Variants in LRCH1 observed in about 807,000 individuals in gnomAD.
LRCH1 encodes leucine-rich repeat and calponin homology domain-containing protein 1.
A neutral mutation model predicts 94.9 loss-of-function variants in LRCH1; 23 were observed. The ratio of observed to expected loss-of-function variants is 0.24; its 90% CI spans 0.17 to 0.34. The LOEUF (loss-of-function observed/expected upper bound fraction) is 0.34, where lower values mean the gene tolerates loss of function less well. Among genes scored for constraint, LRCH1 ranks in the 10% least tolerant of loss-of-function variants. LRCH1 has a pLI of 1.00. For missense variants in LRCH1, 790 were observed against 945.9 expected (o/e 0.84, Z 2.16); for synonymous variants, 364 against 354.9 (o/e 1.03, Z -0.29).
In LRCH1 at chr13:46,750,491, T is replaced by G. The variant is rs141118320; in HGVS notation, c.1981-49T>G. 153 of 1,292,758 alleles carry G rather than the reference T, an allele frequency of 1.2e-4. No homozygotes were observed. The Admixed American group carries it at 2.3e-3, about 20-fold the overall frequency. The allele number at this position is 1,292,758 out of a possible 1,614,324, so 80.1% of individuals were successfully genotyped here. ...TCAACGATGTAGCAGGATTTTACAATGAGAGTACAATCATCTAAAAATTGA... is the reference window on the plus strand; with the variant it reads ...TCAACGATGTAGCAGGATTTTACAAGGAGAGTACAATCATCTAAAAATTGA... On this transcript the variant is annotated intron_variant, in intron 18 of 18. Transcript: ENST00000311191.
At chr13:46,620,442 A>G (rs867416831) in intron 1 of LRCH1, among the ~76,000 whole-genome samples, 22 of 152,104 alleles carry the variant, frequency 1.4e-4, no homozygotes, top group Non-Finnish European at 2.5e-4. Flanking sequence ...GTTCCATGGT[A>G]TGTGCCTTTA....
chr13:46,668,583 T>C (rs943092859), intron 2 of LRCH1, among the ~76,000 whole-genome samples: 1 of 152,018 alleles, frequency 6.6e-6, no homozygotes, highest in Non-Finnish European at 1.5e-5. Context: ...TGTGTGGTGC[T>C]GGTTGCTTTG....
At chr13:46,702,524 T>C (rs951888511) in intron 11 of LRCH1, among the ~76,000 whole-genome samples, 4 of 151,650 alleles carry the variant, frequency 2.6e-5, no homozygotes, top group Non-Finnish European at 5.9e-5. Flanking sequence ...ATAAAACAAA[T>C]AAATAAATAA....
At chr13:46,600,204 A>G (rs937205597) in intron 1 of LRCH1, among the ~76,000 whole-genome samples, 2 of 152,180 alleles carry the variant, frequency 1.3e-5, no homozygotes, top group Admixed American at 6.5e-5. Context: ...TTAACATAGT[A>G]ACATAAACAT....
chr13:46,603,746 T>C (rs2050657228), intron 1 of LRCH1, among the ~76,000 whole-genome samples: 1 of 152,190 alleles, frequency 6.6e-6, no homozygotes, highest in African/African-American at 2.4e-5. Flanking sequence ...AGCCTCAATC[T>C]CCTGGGCTCA....
At chr13:46,655,455 G>A (rs961006939) in intron 2 of LRCH1, among the ~76,000 whole-genome samples, 4 of 152,304 alleles carry the variant, frequency 2.6e-5, no homozygotes, top group Non-Finnish European at 2.9e-5. Flanking sequence ...GCCTCTTGGC[G>A]TTCACAACAA....
intron 1 of LRCH1, among the ~76,000 whole-genome samples, chr13:46,572,807 T>C (rs1006695154): frequency 1.3e-5 from 2 of 152,096 alleles, no homozygotes; most frequent in Non-Finnish European, 2.9e-5. Flanking sequence ...CCAGCAAATA[T>C]TTATTATCTA....
At chr13:46,650,481 T>A in intron 2 of LRCH1, 136 bp downstream of exon 2, 1 of 638,214 alleles carries the variant, frequency 1.6e-6, no homozygotes, top group South Asian at 2.7e-5. Context: ...ATGTTTTAAG[T>A]AATAACTTTT....
intron 16 of LRCH1, among the ~76,000 whole-genome samples, chr13:46,718,436 C>T (rs933219259): frequency 5.3e-5 from 8 of 152,078 alleles, no homozygotes; most frequent in Non-Finnish European, 7.4e-5. Flanking sequence ...ATCACCTGGG[C>T]GTTTTGTAAA....
At chr13:46,752,905 A>C (rs1006723726) in exon 19 of LRCH1, 3 of 152,126 alleles carry the variant, frequency 2.0e-5, no homozygotes, top group African/African-American at 7.2e-5. Context: ...AGACGTCTTC[A>C]AGATCCTTGT....
At chr13:46,714,664 A>G (rs1872230463) in intron 15 of LRCH1, among the ~76,000 whole-genome samples, 1 of 152,158 alleles carries the variant, frequency 6.6e-6, no homozygotes, top group South Asian at 2.1e-4. Flanking sequence ...CACACACCCA[A>G]ATATTTATAT....
intron 1 of LRCH1, among the ~76,000 whole-genome samples, chr13:46,563,181 T>C (rs2050147659): frequency 2.0e-5 from 3 of 152,228 alleles, no homozygotes; most frequent in South Asian, 4.1e-4. Flanking sequence ...TGAGCACTTA[T>C]TGTGTAAGGA....
intron 1 of LRCH1, among the ~76,000 whole-genome samples, chr13:46,577,902 T>A (rs2050321572): frequency 6.6e-6 from 1 of 152,150 alleles, no homozygotes; most frequent in South Asian, 2.1e-4. Context: ...GCTGGGAGCC[T>A]CTCCTTGGTT....
intron 13 of LRCH1, among the ~76,000 whole-genome samples, chr13:46,708,493 A>G (rs949706618): frequency 1.3e-5 from 2 of 152,108 alleles, no homozygotes; most frequent in African/African-American, 4.8e-5. Flanking sequence ...GCTGGTCTCA[A>G]ACTTCTGAGC....
At chr13:46,628,544 C>A (rs1019354673) in intron 1 of LRCH1, among the ~76,000 whole-genome samples, 2 of 151,876 alleles carry the variant, frequency 1.3e-5, no homozygotes, top group Non-Finnish European at 2.9e-5. Context: ...GTAGTCCCAG[C>A]TACTCAGGAG....
chr13:46,634,535 G>A (rs1393488500), intron 1 of LRCH1, among the ~76,000 whole-genome samples: 1 of 152,208 alleles, frequency 6.6e-6, no homozygotes, highest in Non-Finnish European at 1.5e-5. Flanking sequence ...GTAATCTGGA[G>A]TGAATTTTCC....
chr13:46,569,794 G>A (rs141716653), intron 1 of LRCH1, among the ~76,000 whole-genome samples: 6 of 152,190 alleles, frequency 3.9e-5, no homozygotes, highest in African/African-American at 1.2e-4. Context: ...CTTTGCCTTC[G>A]ATTGTACCTT....
At chr13:46,676,000 C>T (rs1483153340) in intron 3 of LRCH1, among the ~76,000 whole-genome samples, 4 of 152,170 alleles carry the variant, frequency 2.6e-5, no homozygotes, top group African/African-American at 7.2e-5. Context: ...GAGTTCTGGC[C>T]GGGTGCGGTG....
In LRCH1 at chr13:46,744,509, C is replaced by A. The variant is rs1873823347; in HGVS notation, c.*2661C>A. ...GGTTTGTTATTTTTAGGGAGAGACA[C>A]TTATGAAATGGGGCTGGTGGAAAGG... is the stretch of plus-strand genomic sequence containing the variant. On this transcript the variant is annotated 3_prime_UTR_variant, in exon 20 of 20. Transcript: ENST00000389797. 1.0e-6 allele frequency: 1 copy of A among 985,352 alleles called. No individual in the cohort carries two copies. The highest frequency in any genetic ancestry group is 4.7e-5 in the South Asian group (1 of 21,278). The allele number at this position is 985,352 out of a possible 1,614,324, so 61.0% of individuals were successfully genotyped here.
Sources: gnomAD v4.1 joint callset for allele counts (sites outside exome capture counted in the v4.1 genomes callset) on GRCh38, gnomAD v4.1.1 for gene constraint, MANE v1.5 for transcripts, NCBI Gene and HGNC (gene_info 2026-07-23, HGNC 2026-07-21) for gene names.